The following ZNF717 variants were observed in gnomAD, a reference collection of about 807,000 sequenced individuals.
ZNF717 encodes the protein krueppel-like factor X17.
Under a neutral mutation model 13.8 loss-of-function variants are expected in ZNF717, and 9 were observed. That is an observed-to-expected ratio of 0.65 (90% CI 0.39 to 1.14). ZNF717 has a LOEUF of 1.14. Among genes scored for constraint, ZNF717 ranks in the 50% most tolerant of loss-of-function variants. The pLI is 0.01. For missense variants in ZNF717, 1,040 were observed against 1,080.7 expected (o/e 0.96, Z 0.53); for synonymous variants, 327 against 364.1 (o/e 0.90, Z 1.16).
chr3:75,782,528 A>G (rs990914543), intron 2 of ZNF717, among the ~76,000 whole-genome samples: 3 of 152,176 alleles, frequency 2.0e-5, no homozygotes, highest in African/African-American at 7.2e-5. Flanking sequence ...GTGGAAGATG[A>G]CTGTTTCCAC....
downstream of ZNF717, among the ~76,000 whole-genome samples, chr3:75,734,259 C>CA (rs1196351764): frequency 6.6e-6 from 1 of 151,570 alleles, no homozygotes; most frequent in Non-Finnish European, 1.5e-5. Flanking sequence ...TTATTAGAGA[C>CA]AGTGTTTCAC....
intron 2 of ZNF717, among the ~76,000 whole-genome samples, chr3:75,772,265 C>T (rs1943955779): frequency 1.3e-5 from 2 of 152,256 alleles, no homozygotes; most frequent in South Asian, 4.1e-4. Flanking sequence ...ACCTTGTCAC[C>T]TTCTACTTGC....
chr3:75,757,476 T>C (rs1942593980), intron 2 of ZNF717, among the ~76,000 whole-genome samples: 1 of 152,240 alleles, frequency 6.6e-6, no homozygotes, highest in South Asian at 2.1e-4. Flanking sequence ...TTAAGCCCAC[T>C]GTTGACACCT....
intron 2 of ZNF717, 25 bp from the exon 3 acceptor site, chr3:75,741,761 G>A (rs79601136): frequency 0.017 from 21,133 of 1,271,144 alleles, no homozygotes; most frequent in African/African-American, 0.062. Context: ...GGCTGTTGTA[G>A]GTCTCCAGCA....
chr3:75,712,034 T>A (rs1937949157), intron 5 of ZNF717, among the ~76,000 whole-genome samples: 2 of 152,274 alleles, frequency 1.3e-5, no homozygotes, highest in Non-Finnish European at 2.9e-5. Context: ...ACACTGTTTT[T>A]CTAGATTTTT....
At chr3:75,722,825 T>TAAA (rs2106869875) in intron 4 of ZNF717, among the ~76,000 whole-genome samples, 1 of 98,510 alleles carries the variant, frequency 1.0e-5, no homozygotes, top group Non-Finnish European at 2.2e-5. Context: ...AAAAAAAAAT[T>TAAA]TAAGTATTTT....
At chr3:75,723,247 A>ATTTTTT (rs1938203407) in intron 4 of ZNF717, among the ~76,000 whole-genome samples, 1 of 24,284 alleles carries the variant, frequency 4.1e-5, no homozygotes, top group African/African-American at 1.3e-4. Flanking sequence ...AGACAATCTC[A>ATTTTTT]CTTTTTTTTT....
intron 2 of ZNF717, among the ~76,000 whole-genome samples, chr3:75,760,755 A>G (rs200293916): frequency 3.8e-4 from 43 of 111,804 alleles, no homozygotes; most frequent in African/African-American, 1.2e-3. Context: ...ACCTGAAGGG[A>G]AAAAAAAACT....
At chr3:75,705,399 G>A (rs1937784499), downstream of ZNF717, among the ~76,000 whole-genome samples, 1 of 152,268 alleles carries the variant, frequency 6.6e-6, no homozygotes, top group Non-Finnish European at 1.5e-5. Flanking sequence ...TGGAGGAAAA[G>A]ACAAAATAGG....
intron 6 of ZNF717, among the ~76,000 whole-genome samples, chr3:75,696,892 C>CA (rs142213799): frequency 0.017 from 994 of 59,526 alleles, no homozygotes; most frequent in African/African-American, 0.023. Flanking sequence ...GACTTCATCT[C>CA]AAAAAAAAAA....
At position 75,721,556 on chromosome 3, in the gene ZNF717, C is replaced by T. The variant is rs1356574945; in HGVS notation, n.545-5015G>A. ...TCAGCCTCCCAAAGTGCTGGGATTA[C>T]AGGCGTGAGCCCCCACGCCTGGCCT... On this transcript the variant is annotated intron_variant and non_coding_transcript_variant, in intron 4 of 5. Transcript: ENST00000491507. Among the ~76,000 whole-genome samples, 187 of 152,338 alleles carry T rather than the reference C, an allele frequency of 1.2e-3. 1 individual carries two copies. Among genetic ancestry groups the T allele is most frequent in the Non-Finnish European group, 2.1e-3 (143 of 68,028 alleles).
chr3:75,783,076 C>G (rs535388348), intron 2 of ZNF717, among the ~76,000 whole-genome samples: 1 of 152,368 alleles, frequency 6.6e-6, no homozygotes, highest in Non-Finnish European at 1.5e-5. Flanking sequence ...ACAACCATGA[C>G]TGACTTTTTT....
At chr3:75,714,954 A>G (rs1451420921) in intron 5 of ZNF717, among the ~76,000 whole-genome samples, 1 of 152,252 alleles carries the variant, frequency 6.6e-6, no homozygotes, top group African/African-American at 2.4e-5. Flanking sequence ...ATACACACAC[A>G]AATAACAGAT....
chr3:75,712,818 C>T (rs1396604022), intron 5 of ZNF717, among the ~76,000 whole-genome samples: 1 of 152,060 alleles, frequency 6.6e-6, no homozygotes, highest in Non-Finnish European at 1.5e-5. Context: ...TTGAAACAAC[C>T]TTTAAATAAC....
At chr3:75,732,250 C>T (rs1938626320), downstream of ZNF717, 1 of 633,062 alleles carries the variant, frequency 1.6e-6, no homozygotes, top group Admixed American at 2.6e-5. Flanking sequence ...TCCTAAATGA[C>T]CTGCTGGAAG....
chr3:75,753,455 C>T (rs1575853257), intron 2 of ZNF717, among the ~76,000 whole-genome samples: 1 of 148,494 alleles, frequency 6.7e-6, no homozygotes, highest in African/African-American at 2.5e-5. Flanking sequence ...GAATGTTTGT[C>T]CCTCACATAG....
chr3:75,741,772 T>A, intron 2 of ZNF717, 36 bp from the exon 3 acceptor site: 1 of 1,566,516 alleles, frequency 6.4e-7, no homozygotes. Context: ...GTCTCCAGCA[T>A]CACGTTCCTG....
chr3:75,723,963 A>C (rs1938222706), intron 4 of ZNF717, among the ~76,000 whole-genome samples: 1 of 152,120 alleles, frequency 6.6e-6, no homozygotes, highest in Non-Finnish European at 1.5e-5. Flanking sequence ...GTCTGCTTTC[A>C]TGTTCCGCCC....
intron 6 of ZNF717, among the ~76,000 whole-genome samples, chr3:75,697,441 C>A (rs1378995065): frequency 1.3e-4 from 20 of 152,172 alleles, no homozygotes; most frequent in Non-Finnish European, 1.0e-4. Flanking sequence ...GTACTATCCT[C>A]ATAATAGTAA....
Sources: gnomAD v4.1 joint callset for allele counts (sites outside exome capture counted in the v4.1 genomes callset) on GRCh38, gnomAD v4.1.1 for gene constraint, MANE v1.5 for transcripts, NCBI Gene and HGNC (gene_info 2026-07-23, HGNC 2026-07-21) for gene names.